Variants in ZNF385B observed in about 807,000 individuals in gnomAD.
ZNF385B encodes the protein zinc finger protein 385B, also known as zinc finger protein 533.
A neutral mutation model predicts 39.2 loss-of-function variants in ZNF385B; 23 were observed. The ratio of observed to expected loss-of-function variants is 0.59; its 90% CI spans 0.42 to 0.83. ZNF385B has a LOEUF of 0.83. Ranked by LOEUF, ZNF385B falls within the 40% of genes least tolerant of loss-of-function variation. The pLI, the probability that ZNF385B is intolerant of heterozygous loss-of-function variation, is 0.00. For missense variants in ZNF385B, 552 were observed against 598.9 expected, an observed-to-expected ratio of 0.92 and a Z score of 0.82; for synonymous variants, 205 against 222.6, an observed-to-expected ratio of 0.92 and a Z score of 0.70.
intron 3 of ZNF385B, among the ~76,000 whole-genome samples, chr2:179,549,988 T>C (rs13035596): frequency 0.22 from 32,610 of 148,928 alleles, 5,188 homozygotes; most frequent in Middle Eastern, 0.3. Context: ...TAATGTTAAC[T>C]TCAGTGCTTG....
chr2:179,711,431 G>T (rs965385355), intron 3 of ZNF385B, among the ~76,000 whole-genome samples: 2 of 152,182 alleles, frequency 1.3e-5, no homozygotes, highest in South Asian at 2.1e-4. Context: ...GTGGAAGAAT[G>T]ACATGAAAAG....
chr2:179,651,647 C>T (rs1425547994), intron 3 of ZNF385B, among the ~76,000 whole-genome samples: 1 of 151,960 alleles, frequency 6.6e-6, no homozygotes, highest in Non-Finnish European at 1.5e-5. Flanking sequence ...AAATAAAACC[C>T]CAAATTCCAA....
At chr2:179,476,437 G>C (rs1195139910) in intron 6 of ZNF385B, among the ~76,000 whole-genome samples, 1 of 152,178 alleles carries the variant, frequency 6.6e-6, no homozygotes, top group African/African-American at 2.4e-5. Flanking sequence ...TTGCTTTTTG[G>C]AGTGGTTTTT....
At chr2:179,699,480 A>G (rs1000907137) in intron 3 of ZNF385B, among the ~76,000 whole-genome samples, 1 of 152,250 alleles carries the variant, frequency 6.6e-6, no homozygotes, top group African/African-American at 2.4e-5. Flanking sequence ...ATAATTGTGG[A>G]TGTTACAGAG....
chr2:179,759,313 T>C (rs75982254), intron 3 of ZNF385B, among the ~76,000 whole-genome samples: 7,441 of 152,172 alleles, frequency 0.049, 257 homozygotes, highest in Middle Eastern at 0.099. Flanking sequence ...ATGTCTGGAA[T>C]TGATGCAGAG....
chr2:179,837,896 A>G (rs1189103713), intron 1 of ZNF385B, among the ~76,000 whole-genome samples: 3 of 152,218 alleles, frequency 2.0e-5, no homozygotes, highest in Non-Finnish European at 2.9e-5. Context: ...TATCATCACT[A>G]TAATTTAATA....
At chr2:179,702,318 A>G (rs1036390023) in intron 3 of ZNF385B, among the ~76,000 whole-genome samples, 1 of 152,216 alleles carries the variant, frequency 6.6e-6, no homozygotes, top group African/African-American at 2.4e-5. Context: ...GTGATTGCTT[A>G]AAGTAATTTA....
chr2:179,666,073 G>C (rs530453108), intron 3 of ZNF385B, among the ~76,000 whole-genome samples: 1 of 152,282 alleles, frequency 6.6e-6, no homozygotes, highest in South Asian at 2.1e-4. Context: ...TTTGTAGTGA[G>C]ATGATATTTT....
rs1223392723 is a variant in ZNF385B at position 179,655,294 on chromosome 2, A to G, written c.299-110325T>C. ...ATCCTTAATGACCTGTAGTACAGAAAAGTGAAAACATTGTGGAGGAGATAA... is the reference window on the plus strand; with the variant it reads ...ATCCTTAATGACCTGTAGTACAGAAGAGTGAAAACATTGTGGAGGAGATAA... On this transcript the variant is annotated intron_variant, in intron 3 of 9. Transcript: ENST00000410066. Among the ~76,000 whole-genome samples the G allele has an allele frequency of 2.0e-5, 3 of 152,150 alleles. No individual in the cohort carries two copies. The East Asian group carries it at 5.8e-4, about 29-fold the overall frequency.
chr2:179,533,652 G>C (rs749425098), intron 4 of ZNF385B, among the ~76,000 whole-genome samples: 1 of 152,096 alleles, frequency 6.6e-6, no homozygotes, highest in African/African-American at 2.4e-5. Context: ...ATGTGTAAGA[G>C]TCAAAGTTCA....
At chr2:179,774,031 T>G (rs754563120) in intron 1 of ZNF385B, among the ~76,000 whole-genome samples, 1 of 151,960 alleles carries the variant, frequency 6.6e-6, no homozygotes, top group Non-Finnish European at 1.5e-5. Flanking sequence ...GTGTTTGTGG[T>G]CTGTGGTACA....
At chr2:179,542,644 G>GA in intron 4 of ZNF385B, among the ~76,000 whole-genome samples, 1 of 152,112 alleles carries the variant, frequency 6.6e-6, no homozygotes, top group African/African-American at 2.4e-5. Context: ...CTTTATGAAG[G>GA]TATTCTCTCC....
intron 3 of ZNF385B, among the ~76,000 whole-genome samples, chr2:179,717,963 T>C (rs79072303): frequency 0.12 from 18,951 of 152,220 alleles, 1,349 homozygotes; most frequent in Non-Finnish European, 0.16. Flanking sequence ...TGACTTTTCC[T>C]TACATAAATT....
At chr2:179,532,733 A>C (rs749435669) in intron 4 of ZNF385B, among the ~76,000 whole-genome samples, 68 of 152,194 alleles carry the variant, frequency 4.5e-4, no homozygotes, top group Non-Finnish European at 8.4e-4. Flanking sequence ...CAAGACGCTG[A>C]TATGCCACTT....
At chr2:179,656,769 C>T (rs986846665) in intron 3 of ZNF385B, among the ~76,000 whole-genome samples, 17 of 151,944 alleles carry the variant, frequency 1.1e-4, no homozygotes, top group African/African-American at 4.1e-4. Flanking sequence ...ATCTATGTAC[C>T]ATATGTATAT....
At chr2:179,464,664 G>A (rs2051781175) in intron 6 of ZNF385B, among the ~76,000 whole-genome samples, 1 of 152,138 alleles carries the variant, frequency 6.6e-6, no homozygotes, top group Non-Finnish European at 1.5e-5. Flanking sequence ...TTGTAGATGT[G>A]TGGTGTTATT....
In ZNF385B at chr2:179,582,022, G is replaced by A. The variant is rs569817243; in HGVS notation, c.299-37053C>T. On this transcript the variant is annotated intron_variant, in intron 3 of 9. Coordinates refer to ENST00000410066, the MANE Select transcript of ZNF385B (RefSeq NM_152520.6). The stretch of plus-strand genomic sequence containing the variant: ...CTATCCTGTATTTTCATTAATAGAG[G>A]ACTGTACATATGCCTTGTAAAGTCT... Among the ~76,000 whole-genome samples the A allele has an allele frequency of 4.1e-3, 624 of 152,224 alleles. 1 individual carries two copies. The highest frequency in any genetic ancestry group is 6.1e-3 in the Non-Finnish European group (417 of 68,012).
At chr2:179,841,698 G>A (rs1432414168) in intron 1 of ZNF385B, among the ~76,000 whole-genome samples, 1 of 152,126 alleles carries the variant, frequency 6.6e-6, no homozygotes, top group African/African-American at 2.4e-5. Context: ...ATTACCAAAT[G>A]TCTCCTGGGG....
intron 1 of ZNF385B, among the ~76,000 whole-genome samples, chr2:179,842,737 AAG>A (rs1314424904): frequency 1.3e-5 from 2 of 152,098 alleles, no homozygotes; most frequent in Non-Finnish European, 2.9e-5. Flanking sequence ...GATCCAGATG[AAG>A]AGTCACTGGT....
Sources: allele counts gnomAD v4.1 joint callset (sites outside exome capture counted in the v4.1 genomes callset), GRCh38; gene constraint gnomAD v4.1.1; transcripts MANE v1.5; gene names NCBI Gene and HGNC (gene_info 2026-07-23, HGNC 2026-07-21).